The following CHL1 variants were observed in gnomAD, a reference collection of about 807,000 sequenced individuals.
CHL1 encodes the protein neural cell adhesion molecule L1-like protein.
CHL1 carries 96 observed loss-of-function variants against 141.9 expected under a neutral mutation model. That is an observed-to-expected ratio of 0.68 (90% confidence interval 0.57 to 0.80). The LOEUF is 0.80. CHL1 is among the 30% of genes least tolerant of loss of function. The pLI is 0.00. For synonymous variants in CHL1, 613 were observed against 502.2 expected, an observed-to-expected ratio of 1.22 and a Z score of -2.95; for missense variants, 1,820 against 1,457.2, an observed-to-expected ratio of 1.25 and a Z score of -4.05.
At chr3:215,491 A>G (rs907348514) in intron 1 of CHL1, among the ~76,000 whole-genome samples, 6 of 152,234 alleles carry the variant, frequency 3.9e-5, no homozygotes, top group African/African-American at 1.4e-4. Flanking sequence ...TCTATAGCAT[A>G]GTTGGGTGAC....
At chr3:341,482 T>C (rs1412944578) in intron 6 of CHL1, among the ~76,000 whole-genome samples, 1 of 152,162 alleles carries the variant, frequency 6.6e-6, no homozygotes, top group East Asian at 1.9e-4. Context: ...GAGATTAATA[T>C]CACGGATAAA....
intron 5 of CHL1, among the ~76,000 whole-genome samples, chr3:332,609 A>C (rs142397195): frequency 6.6e-6 from 1 of 152,142 alleles, no homozygotes; most frequent in Non-Finnish European, 1.5e-5. Context: ...TCTCAAGTGG[A>C]CATTTCTGAG....
chr3:367,980 C>G (rs1435329781), intron 15 of CHL1, among the ~76,000 whole-genome samples: 1 of 152,138 alleles, frequency 6.6e-6, no homozygotes, highest in East Asian at 1.9e-4. Flanking sequence ...ACCACATTTT[C>G]TTTATCCAGC....
chr3:360,231 A>G, intron 11 of CHL1, 53 bp from the exon 12 acceptor site: 1 of 1,589,784 alleles, frequency 6.3e-7, no homozygotes, highest in Non-Finnish European at 8.6e-7. Flanking sequence ...AATGGTGTAT[A>G]AATATTTTAT....
At position 344,539 on chromosome 3, in the gene CHL1, T is replaced by C. The variant is rs749222663; in HGVS notation, c.728-50T>C. On this transcript the variant is annotated intron_variant, in intron 8 of 27. Transcript: ENST00000256509. ...AAGAAAGATGTGGTGTCACAGAATT[T>C]TATGTATATTAATTTGAAAAAATTC... The C allele has an allele frequency of 2.1e-6, 3 of 1,435,086 alleles. No individual in the cohort carries two copies. In the South Asian group the frequency reaches 3.6e-5, roughly 17 times the overall value. The allele number at this position is 1,435,086 out of a possible 1,614,324, so 88.9% of individuals were successfully genotyped here.
At chr3:232,626 A>T (rs150846563) in intron 1 of CHL1, among the ~76,000 whole-genome samples, 6 of 151,658 alleles carry the variant, frequency 4.0e-5, no homozygotes, top group African/African-American at 1.2e-4. Flanking sequence ...CGAAGTTTCT[A>T]TTTGCTCATG....
At chr3:337,266 C>T (rs1701954850) in intron 5 of CHL1, among the ~76,000 whole-genome samples, 1 of 147,668 alleles carries the variant, frequency 6.8e-6, no homozygotes, top group Non-Finnish European at 1.5e-5. Context: ...TCTCTGCTCA[C>T]TGCAAGCTCC....
chr3:246,614 A>T (rs1693198625), intron 2 of CHL1: 1 of 152,094 alleles, frequency 6.6e-6, no homozygotes, highest in East Asian at 1.9e-4. Context: ...ACCTCTCAAG[A>T]ATTTTAAAAC....
chr3:396,502 T>C (rs1039645531), intron 24 of CHL1, among the ~76,000 whole-genome samples: 2 of 152,184 alleles, frequency 1.3e-5, no homozygotes, highest in Non-Finnish European at 2.9e-5. Context: ...AGTATATATG[T>C]TGCGAAATTT....
chr3:319,849 A>G lies in CHL1; in HGVS notation c.73A>G (p.Ile25Val), dbSNP rs1452136912. The change falls in exon 3 of 28, where the codon ATT becomes GTT. Residue 25 changes from isoleucine to valine, a missense_variant. By Grantham distance (29) the Ile-to-Val change is conservative (BLOSUM62 3). Transcript: ENST00000256509. ...CCTCCTGTTAAAATTCTCAAAAGCA[A>G]TTGAAATACCATCTTCAGGTAAAGT... ...MFLLLKFSKA[I>V]EIPSSVQQVP... 3.1e-6 allele frequency: 5 copies of G among 1,591,504 alleles called. No individual in the cohort carries two copies. In the South Asian group the frequency reaches 4.4e-5, roughly 14 times the overall value.
chr3:404,564 T>A (rs1431108666), intron 27 of CHL1, among the ~76,000 whole-genome samples: 1 of 152,206 alleles, frequency 6.6e-6, no homozygotes, highest in Non-Finnish European at 1.5e-5. Context: ...ATAAATATAG[T>A]ATACTTATTT....
At chr3:343,062 TTG>T in intron 8 of CHL1, 31 bp downstream of exon 8, 1 of 1,567,104 alleles carries the variant, frequency 6.4e-7, no homozygotes, top group Non-Finnish European at 8.7e-7. Context: ...GTGTTGGCAT[TTG>T]TGTATAGCTC....
chr3:307,273 T>G (rs1193271693), intron 2 of CHL1, among the ~76,000 whole-genome samples: 1 of 152,222 alleles, frequency 6.6e-6, no homozygotes, highest in East Asian at 1.9e-4. Flanking sequence ...AGCCATCAAA[T>G]GTACACATAT....
chr3:393,252 T>A (rs1032860725), intron 23 of CHL1, among the ~76,000 whole-genome samples: 135 of 84,862 alleles, frequency 1.6e-3, no homozygotes, highest in Middle Eastern at 7.8e-3. Context: ...AAAAAAGTGT[T>A]AAGAATGCAA....
At chr3:252,989 G>T (rs1402244710) in intron 2 of CHL1, among the ~76,000 whole-genome samples, 3 of 152,010 alleles carry the variant, frequency 2.0e-5, no homozygotes, top group African/African-American at 7.3e-5. Context: ...TAATTATCTA[G>T]TATTTAGGAA....
At position 405,707 on chromosome 3, in the gene CHL1, C is replaced by T. The variant is rs932383102; in HGVS notation, c.3671C>T (p.Ala1224Val). 3.7e-6 allele frequency: 6 copies of T among 1,611,264 alleles called. No individual in the cohort carries two copies. Among genetic ancestry groups the T allele is most frequent in the Non-Finnish European group, 5.1e-6 (6 of 1,177,782 alleles). Residue 1224 changes from alanine (A) to valine (V), a missense_variant, in exon 28 of 28, where the codon GCA becomes GTA. Transcript: ENST00000256509. ...GSSTATFPLR[A>V] ...TCTACAGCAACTTTTCCCCTTCGGG[C>T]ATAAACACAACATATGTAAGCAACG...
chr3:306,641 G>A (rs903946124), intron 2 of CHL1, among the ~76,000 whole-genome samples: 3 of 151,968 alleles, frequency 2.0e-5, no homozygotes, highest in Non-Finnish European at 4.4e-5. Flanking sequence ...CCAGTAAATT[G>A]TCTTTAACCA....
Position 366,098 on chromosome 3 carries a change from T to C in CHL1, c.1734T>C (p.Asn578=). 1.2e-6 allele frequency: 2 copies of C among 1,613,804 alleles called. No homozygotes were observed. Among genetic ancestry groups the C allele is most frequent in the African/African-American group, 2.7e-5 (2 of 75,012 alleles). The change falls in exon 15 of 28, where the codon AAT becomes AAC. Residue 578 remains asparagine (N), a synonymous_variant. Coordinates refer to ENST00000256509, the MANE Select transcript of CHL1 (RefSeq NM_006614.4). The part of the protein sequence containing the change: ...WSKDGEAFEI[N]GTEDGRIIID... ...AAGATGGAGAAGCCTTTGAAATTAATGGCACAGAAGATGGCAGGTAGGTAA... is the reference window on the plus strand; with the variant it reads ...AAGATGGAGAAGCCTTTGAAATTAACGGCACAGAAGATGGCAGGTAGGTAA...
chr3:334,642 C>T (rs887068101), intron 5 of CHL1, among the ~76,000 whole-genome samples: 2 of 152,190 alleles, frequency 1.3e-5, no homozygotes, highest in Non-Finnish European at 2.9e-5. Flanking sequence ...GAGTATTTCA[C>T]TGCATGGATA....
Sources: allele counts gnomAD v4.1 joint callset (sites outside exome capture counted in the v4.1 genomes callset), GRCh38; gene constraint gnomAD v4.1.1; transcripts MANE v1.5; gene names NCBI Gene and HGNC (gene_info 2026-07-23, HGNC 2026-07-21).